TEKT3: variants seen among roughly 807,000 people sequenced by gnomAD.
TEKT3 encodes tektin 3.
TEKT3 carries 49 observed loss-of-function variants against 49.8 expected under a neutral mutation model. The ratio of observed to expected loss-of-function variants is 0.98; its 90% CI spans 0.78 to 1.25. The LOEUF is 1.25. TEKT3 is among the 50% of genes most tolerant of loss of function. The pLI is 0.00. For synonymous variants in TEKT3, 225 were observed against 237.2 expected (o/e 0.95, Z 0.47); for missense variants, 595 against 629.5 (o/e 0.95, Z 0.59).
At chr17:15,331,815 G>A (rs1009559584) in intron 2 of TEKT3, among the ~76,000 whole-genome samples, 1 of 152,006 alleles carries the variant, frequency 6.6e-6, no homozygotes, top group Non-Finnish European at 1.5e-5. Flanking sequence ...TCTCTAGAAT[G>A]TATAAAGATC....
At chr17:15,340,901 C>T (rs895060805) in intron 1 of TEKT3, among the ~76,000 whole-genome samples, 1 of 152,144 alleles carries the variant, frequency 6.6e-6, no homozygotes, top group African/African-American at 2.4e-5. Context: ...AATAATTTTA[C>T]CCATTTCCAG....
chr17:15,324,947 T>G (rs1372585445), intron 4 of TEKT3, among the ~76,000 whole-genome samples: 1 of 79,840 alleles, frequency 1.3e-5, no homozygotes, highest in African/African-American at 7.3e-5. Context: ...TTAACTATTT[T>G]GTATGTTTGA....
At chr17:15,327,119 T>A (rs534642809) in intron 4 of TEKT3, among the ~76,000 whole-genome samples, 2 of 147,160 alleles carry the variant, frequency 1.4e-5, no homozygotes, top group African/African-American at 5.1e-5. Flanking sequence ...AGGAGTGGGA[T>A]AGGGAAGCAA....
intron 4 of TEKT3, among the ~76,000 whole-genome samples, chr17:15,324,766 T>C (rs1249964380): frequency 6.6e-6 from 1 of 152,222 alleles, no homozygotes; most frequent in African/African-American, 2.4e-5. Flanking sequence ...AAATACATTT[T>C]TAATTTTGAT....
At chr17:15,326,503 A>C (rs1911496647) in intron 4 of TEKT3, among the ~76,000 whole-genome samples, 1 of 152,202 alleles carries the variant, frequency 6.6e-6, no homozygotes, top group Admixed American at 6.5e-5. Context: ...AACTTGGGGA[A>C]GGAAAGGTGC....
chr17:15,330,833 TA>T lies in TEKT3; in HGVS notation c.579+173del, dbSNP rs201724878. Among the ~76,000 whole-genome samples, 623 of 149,534 alleles carry T rather than the reference TA, an allele frequency of 4.2e-3. 2 individuals are homozygous for T. Among genetic ancestry groups the T allele is most frequent in the African/African-American group, 0.012 (509 of 40,870 alleles). On this transcript the variant is annotated intron_variant, in intron 3 of 8. Transcript: ENST00000395930. ...TTGTTCTTAAAGTATATAATGCATT[TA>T]AAAAAAAAATAGGCAGTGGTTTTGC...
At chr17:15,319,658 G>A (rs1321802847) in intron 4 of TEKT3, among the ~76,000 whole-genome samples, 5 of 152,114 alleles carry the variant, frequency 3.3e-5, no homozygotes, top group East Asian at 1.9e-4. Context: ...GTCGCCCTCC[G>A]GTCCTGCTTG....
At chr17:15,342,877 T>A (rs1345733085), upstream of TEKT3, among the ~76,000 whole-genome samples, 2 of 152,260 alleles carry the variant, frequency 1.3e-5, no homozygotes, top group East Asian at 3.8e-4. Context: ...TTTCCCACTA[T>A]GTTCCTTATC....
intron 2 of TEKT3, among the ~76,000 whole-genome samples, chr17:15,333,544 G>T (rs1911860991): frequency 6.6e-6 from 1 of 152,008 alleles, no homozygotes; most frequent in African/African-American, 2.4e-5. Context: ...GCAGTTCTTT[G>T]CTTCAATTTG....
At chr17:15,323,096 T>C (rs73978002) in intron 4 of TEKT3, among the ~76,000 whole-genome samples, 9,408 of 152,208 alleles carry the variant, frequency 0.062, 626 homozygotes, top group African/African-American at 0.17. Flanking sequence ...ACCCAGATCC[T>C]CTTTCCGTGC....
intron 8 of TEKT3, chr17:15,306,913 G>A (rs113425172): frequency 1.2e-4 from 18 of 152,334 alleles, no homozygotes; most frequent in Admixed American, 3.3e-4. Context: ...TGTAGTCTCT[G>A]GAGTGGAGAG....
intron 4 of TEKT3, 151 bp downstream of exon 4, chr17:15,327,841 A>G (rs762677417): frequency 1.7e-6 from 1 of 588,730 alleles, no homozygotes; most frequent in Non-Finnish European, 3.0e-6. Context: ...TATAACCAAG[A>G]AAAACATGTC....
intron 4 of TEKT3, among the ~76,000 whole-genome samples, chr17:15,322,499 A>G (rs1911310022): frequency 6.6e-6 from 1 of 152,160 alleles, no homozygotes; most frequent in Admixed American, 6.5e-5. Flanking sequence ...CTATACTGTC[A>G]GCTGAGGAAT....
At position 15,340,803 on chromosome 17, in the gene TEKT3, G is replaced by C. The variant is rs150874830; in HGVS notation, c.-64+715C>G. Among the ~76,000 whole-genome samples the C allele has an allele frequency of 2.0e-3, 297 of 152,188 alleles. 1 individual carries two copies. The highest frequency in any genetic ancestry group is 6.7e-3 in the African/African-American group (277 of 41,556). On this transcript the variant is annotated intron_variant, in intron 1 of 8. Coordinates refer to ENST00000395930, the MANE Select transcript of TEKT3 (RefSeq NM_031898.3). ...ATTGTGTGAAGTATTTTATTTTAAA[G>C]AAGAAAAAAGTAGAATATTTTGTCA...
rs1410207094 is a variant in TEKT3, at chr17:15,304,289, T to A, written c.1257-137A>T. The A allele has an allele frequency of 5.2e-6, 4 of 769,792 alleles. No individual in the cohort carries two copies. The highest frequency in any genetic ancestry group is 8.3e-6 in the Non-Finnish European group (4 of 483,370). The allele number at this position is 769,792 out of a possible 1,614,324, so 47.7% of individuals were successfully genotyped here. On this transcript the variant is annotated intron_variant, in intron 8 of 8. Transcript: ENST00000395930. This position sits in a 1 kb window ranked among gnomAD's most constrained non-coding sequence, Gnocchi z 4.7. ...TATTTATCAGCAAATGAGAGGTGCA[T>A]GAAATTAATAAAATATAAAGAAATA...
chr17:15,314,033 G>C, intron 6 of TEKT3, 54 bp downstream of exon 6: 2 of 1,610,844 alleles, frequency 1.2e-6, no homozygotes, highest in African/African-American at 1.3e-5. Context: ...CCTTTCGAAA[G>C]GAGAAAGAGT....
At chr17:15,309,662 C>G (rs1436385346) in intron 7 of TEKT3, among the ~76,000 whole-genome samples, 1 of 152,084 alleles carries the variant, frequency 6.6e-6, no homozygotes, top group Non-Finnish European at 1.5e-5. Flanking sequence ...TTTACCACCA[C>G]TCTCCCATCC....
chr17:15,338,572 T>C (rs1912087625), intron 2 of TEKT3: 1 of 146,998 alleles, frequency 6.8e-6, no homozygotes, highest in Admixed American at 6.8e-5. Context: ...GGCGCCAAGA[T>C]GGCGCCACTG....
chr17:15,321,889 T>C (rs1244668056), intron 4 of TEKT3, among the ~76,000 whole-genome samples: 1 of 152,242 alleles, frequency 6.6e-6, no homozygotes, highest in Non-Finnish European at 1.5e-5. Flanking sequence ...ATGAAGCATC[T>C]GTCGTTACAG....
Sources: allele counts gnomAD v4.1 joint callset (sites outside exome capture counted in the v4.1 genomes callset), GRCh38; gene constraint gnomAD v4.1.1; non-coding constraint Gnocchi (gnomAD v3.1); transcripts MANE v1.5; gene names NCBI Gene and HGNC (gene_info 2026-07-23, HGNC 2026-07-21).